The following ROBO2 variants were observed in gnomAD, a reference collection of about 807,000 sequenced individuals.
ROBO2 encodes roundabout guidance receptor 2, also known as roundabout homolog 2.
In ROBO2, 53 loss-of-function variants were observed where a neutral mutation model predicts 160.8. The observed-to-expected ratio is 0.33, with a 90% CI of 0.26 to 0.41. The LOEUF (loss-of-function observed/expected upper bound fraction) is 0.41. ROBO2 is among the 10% of genes least tolerant of loss of function. The pLI, the probability that ROBO2 is intolerant of heterozygous loss-of-function variation, is 1.00. For synonymous variants in ROBO2, 664 were observed against 611.7 expected, an observed-to-expected ratio of 1.09 and a Z score of -1.26; for missense variants, 1,577 against 1,722.4, an observed-to-expected ratio of 0.92 and a Z score of 1.49.
At chr3:76,255,174 A>T (rs917143226) in intron 2 of ROBO2, among the ~76,000 whole-genome samples, 8 of 152,096 alleles carry the variant, frequency 5.3e-5, no homozygotes. Context: ...ACCTGTAGCT[A>T]AAGGGAGAGG....
intron 2 of ROBO2, among the ~76,000 whole-genome samples, chr3:76,282,867 A>G (rs1184154840): frequency 6.6e-6 from 1 of 151,816 alleles, no homozygotes; most frequent in Admixed American, 6.6e-5. Flanking sequence ...TTATGCATAT[A>G]AAACCACCTT....
At chr3:76,748,923 A>G (rs2093935451) in intron 2 of ROBO2, among the ~76,000 whole-genome samples, 1 of 151,886 alleles carries the variant, frequency 6.6e-6, no homozygotes, top group Non-Finnish European at 1.5e-5. Context: ...AAAAAGAAAA[A>G]CTAAAGCAAG....
At chr3:77,074,115 T>C (rs983945313) in intron 1 of ROBO2, among the ~76,000 whole-genome samples, 5 of 152,230 alleles carry the variant, frequency 3.3e-5, no homozygotes, top group South Asian at 2.1e-4. Context: ...TTTTTATCAC[T>C]AGCACTGTGA....
chr3:77,362,335 G>T (rs772164495), intron 2 of ROBO2, among the ~76,000 whole-genome samples: 2 of 152,152 alleles, frequency 1.3e-5, no homozygotes, highest in Non-Finnish European at 2.9e-5. Context: ...GTGGGGGTCA[G>T]TGGATGGAAA....
chr3:77,098,437 A>G (rs971359370), intron 2 of ROBO2, 97 bp downstream of exon 2: 1 of 1,201,700 alleles, frequency 8.3e-7, no homozygotes. Context: ...TAAAGAATCA[A>G]TCAACACACT....
intron 6 of ROBO2, among the ~76,000 whole-genome samples, chr3:77,542,972 T>C (rs551144466): frequency 1.3e-5 from 2 of 152,330 alleles, no homozygotes; most frequent in South Asian, 4.1e-4. Context: ...ATATGACCAC[T>C]GTGACCTAGA....
chr3:76,214,476 T>G (rs1703361127), intron 2 of ROBO2, among the ~76,000 whole-genome samples: 1 of 152,126 alleles, frequency 6.6e-6, no homozygotes, highest in Non-Finnish European at 1.5e-5. Context: ...ATACTGTGCT[T>G]TTCCAATGGG....
At chr3:76,299,157 A>G (rs1205325567) in intron 2 of ROBO2, among the ~76,000 whole-genome samples, 1 of 152,198 alleles carries the variant, frequency 6.6e-6, no homozygotes, top group Non-Finnish European at 1.5e-5. Context: ...AATAAGTAAA[A>G]AACACAATAA....
intron 2 of ROBO2, among the ~76,000 whole-genome samples, chr3:75,987,987 CTTGTTTTT>C (rs2065459355): frequency 8.5e-6 from 1 of 117,182 alleles, no homozygotes; most frequent in Non-Finnish European, 2.0e-5. Flanking sequence ...GTTGTGTTTT[CTTGTTTTT>C]TTGTTTTTTG....
chr3:76,397,541 T>C (rs1576929958), intron 2 of ROBO2, among the ~76,000 whole-genome samples: 2 of 151,662 alleles, frequency 1.3e-5, no homozygotes, highest in Middle Eastern at 3.4e-3. Flanking sequence ...ACAGGCAACC[T>C]ACAAAATGGG....
intron 2 of ROBO2, among the ~76,000 whole-genome samples, chr3:77,360,089 C>G (rs1341204563): frequency 6.6e-6 from 1 of 152,110 alleles, no homozygotes; most frequent in Non-Finnish European, 1.5e-5. Flanking sequence ...GGATGAAATC[C>G]CCTAAGTTTA....
chr3:76,315,744 C>G (rs2071964453), intron 2 of ROBO2, among the ~76,000 whole-genome samples: 1 of 152,088 alleles, frequency 6.6e-6, no homozygotes, highest in Non-Finnish European at 1.5e-5. Flanking sequence ...TCTCACATTC[C>G]TTGCTATTGG....
At chr3:76,484,174 C>T (rs1484044852) in intron 2 of ROBO2, among the ~76,000 whole-genome samples, 4 of 152,134 alleles carry the variant, frequency 2.6e-5, no homozygotes, top group Non-Finnish European at 4.4e-5. Flanking sequence ...TGCACTTGTA[C>T]GTCTGACATT....
chr3:75,964,070 C>T (rs1949020354), intron 2 of ROBO2, among the ~76,000 whole-genome samples: 2 of 151,642 alleles, frequency 1.3e-5, no homozygotes, highest in Admixed American at 6.6e-5. Context: ...TAACCATTGA[C>T]CAGGTTAATC....
At chr3:76,653,586 A>T (rs2044581) in intron 2 of ROBO2, among the ~76,000 whole-genome samples, 64,898 of 150,534 alleles carry the variant, frequency 0.43, 14,187 homozygotes, top group South Asian at 0.51. Flanking sequence ...GCTTTTTTTT[A>T]AATTATACAC....
chr3:77,538,596 G>A (rs1470384749), intron 6 of ROBO2, among the ~76,000 whole-genome samples: 3 of 152,066 alleles, frequency 2.0e-5, no homozygotes, highest in Non-Finnish European at 4.4e-5. Flanking sequence ...TAAATACATT[G>A]CTTCCTCTGA....
At chr3:77,399,088 A>T (rs2075562402) in intron 2 of ROBO2, among the ~76,000 whole-genome samples, 2 of 152,134 alleles carry the variant, frequency 1.3e-5, no homozygotes, top group African/African-American at 4.8e-5. Context: ...CAAATTGCCA[A>T]GTTTGATTTT....
intron 2 of ROBO2, among the ~76,000 whole-genome samples, chr3:76,478,687 T>TTG (rs1553768109): frequency 1.3e-5 from 2 of 150,332 alleles, no homozygotes; most frequent in Admixed American, 6.6e-5. Flanking sequence ...TCTGTTTTTT[T>TTG]TTTTTTTTTT....
intron 2 of ROBO2, among the ~76,000 whole-genome samples, chr3:77,258,671 C>G (rs978857975): frequency 2.6e-5 from 4 of 151,710 alleles, no homozygotes; most frequent in Non-Finnish European, 5.9e-5. Flanking sequence ...GAATTTCATG[C>G]CTTTCAACAC....
Sources: allele counts gnomAD v4.1 joint callset (sites outside exome capture counted in the v4.1 genomes callset), GRCh38; gene constraint gnomAD v4.1.1; transcripts MANE v1.5; gene names NCBI Gene and HGNC (gene_info 2026-07-23, HGNC 2026-07-21).